Variants in BBS9 observed in about 807,000 individuals in gnomAD.
BBS9 encodes Bardet-Biedl syndrome 9.
BBS9 carries 89 observed loss-of-function variants against 117.7 expected under a neutral mutation model. That is an observed-to-expected ratio of 0.76 (90% confidence interval 0.64 to 0.90). BBS9 has a LOEUF of 0.90. Ranked by LOEUF, BBS9 falls within the 40% of genes least tolerant of loss-of-function variation. BBS9 has a pLI of 0.00. For missense variants in BBS9, 982 were observed against 1,042.2 expected (o/e 0.94, Z 0.80); for synonymous variants, 379 against 370.9 (o/e 1.02, Z -0.25).
At chr7:33,274,875 G>T (rs998996650) in intron 9 of BBS9, among the ~76,000 whole-genome samples, 29 of 151,696 alleles carry the variant, frequency 1.9e-4, no homozygotes, top group African/African-American at 6.8e-4. Context: ...TGTGCATGTA[G>T]TCCCAGCTGC....
intron 1 of BBS9, among the ~76,000 whole-genome samples, chr7:33,143,056 G>A (rs999374885): frequency 9.2e-5 from 14 of 152,058 alleles, no homozygotes; most frequent in African/African-American, 3.4e-4. Context: ...TGCAACCTCT[G>A]CCTCCCAGGT....
intron 21 of BBS9, among the ~76,000 whole-genome samples, chr7:33,551,114 G>C (rs1158942456): frequency 1.3e-5 from 2 of 152,114 alleles, no homozygotes; most frequent in African/African-American, 2.4e-5. Context: ...TTGCTTGTTG[G>C]TTGCTCTAAG....
At chr7:33,267,599 T>C (rs1461819071) in intron 7 of BBS9, among the ~76,000 whole-genome samples, 2 of 152,134 alleles carry the variant, frequency 1.3e-5, no homozygotes, top group Non-Finnish European at 2.9e-5. Context: ...TCAGGTGATA[T>C]ATTACCTTAT....
At chr7:33,630,167 A>G (rs1205412593) in intron 21 of BBS9, among the ~76,000 whole-genome samples, 1 of 152,232 alleles carries the variant, frequency 6.6e-6, no homozygotes, top group Non-Finnish European at 1.5e-5. Flanking sequence ...TGATTAAAAC[A>G]CACAGAAACG....
intron 19 of BBS9, among the ~76,000 whole-genome samples, chr7:33,455,566 A>T (rs1838526589): frequency 6.6e-6 from 1 of 152,138 alleles, no homozygotes; most frequent in South Asian, 2.1e-4. Context: ...CAATCTGACA[A>T]AGTTGGTCTG....
At chr7:33,250,758 A>G (rs774106901) in intron 5 of BBS9, among the ~76,000 whole-genome samples, 1 of 152,216 alleles carries the variant, frequency 6.6e-6, no homozygotes, top group Non-Finnish European at 1.5e-5. Context: ...TGAGGTACAG[A>G]TGAATAAATT....
chr7:33,360,163 A>T (rs991193570), intron 16 of BBS9, among the ~76,000 whole-genome samples: 5 of 152,116 alleles, frequency 3.3e-5, no homozygotes, highest in African/African-American at 1.2e-4. Context: ...CGTTGTTTTT[A>T]GTTTATTAAT....
At chr7:33,163,313 A>T (rs1795157264) in intron 4 of BBS9, among the ~76,000 whole-genome samples, 1 of 152,098 alleles carries the variant, frequency 6.6e-6, no homozygotes, top group Non-Finnish European at 1.5e-5. Flanking sequence ...TGTCTCTGCC[A>T]GCCTTTGGTA....
At chr7:33,232,462 G>A (rs1343454447) in intron 5 of BBS9, among the ~76,000 whole-genome samples, 1 of 152,044 alleles carries the variant, frequency 6.6e-6, no homozygotes, top group Non-Finnish European at 1.5e-5. Context: ...TTTGTAGATT[G>A]TAATTAAATC....
chr7:33,298,286 T>C (rs942639760), intron 9 of BBS9, among the ~76,000 whole-genome samples: 1 of 152,146 alleles, frequency 6.6e-6, no homozygotes, highest in African/African-American at 2.4e-5. Context: ...CTCTGAGACC[T>C]TGGGCAAGCT....
chr7:33,136,943 C>T (rs1198180812), intron 1 of BBS9, among the ~76,000 whole-genome samples: 8 of 152,020 alleles, frequency 5.3e-5, no homozygotes, highest in African/African-American at 1.9e-4. Context: ...TCTGTCTTGG[C>T]CTGGCCTTTT....
Position 33,279,100 on chromosome 7 carries a change from T to A in BBS9, c.1016+5144T>A, listed in dbSNP as rs144393172. 3.4e-3 allele frequency among the ~76,000 whole-genome samples: 515 copies of A among 152,354 alleles called. 5 individuals are homozygous for A. Among genetic ancestry groups the A allele is most frequent in the African/African-American group, 0.012 (488 of 41,584 alleles). Reference sequence around the variant, plus strand: ...TTGCTCAGGCTGGAATGCATTGGCATGATCATAGCTTACTTCAGCCTTGAA... The same window carrying A: ...TTGCTCAGGCTGGAATGCATTGGCAAGATCATAGCTTACTTCAGCCTTGAA... On this transcript the variant is annotated intron_variant, in intron 9 of 22. Transcript: ENST00000242067.
chr7:33,435,233 T>C (rs1440762687), intron 19 of BBS9, among the ~76,000 whole-genome samples: 2 of 152,102 alleles, frequency 1.3e-5, no homozygotes, highest in Non-Finnish European at 2.9e-5. Flanking sequence ...AAAGGAAGCA[T>C]AGGGATTATC....
intron 19 of BBS9, among the ~76,000 whole-genome samples, chr7:33,393,900 A>G (rs1430469958): frequency 1.3e-5 from 2 of 152,174 alleles, no homozygotes; most frequent in Admixed American, 1.3e-4. Context: ...TGCAAAAGCC[A>G]ACCACTTCCC....
chr7:33,391,097 C>G (rs1188503705), intron 19 of BBS9, among the ~76,000 whole-genome samples: 1 of 152,118 alleles, frequency 6.6e-6, no homozygotes, highest in Non-Finnish European at 1.5e-5. Flanking sequence ...TTCGACAACT[C>G]TCCTGGGATC....
intron 9 of BBS9, among the ~76,000 whole-genome samples, chr7:33,326,593 C>T (rs904491483): frequency 6.6e-6 from 1 of 151,888 alleles, no homozygotes; most frequent in Non-Finnish European, 1.5e-5. Context: ...ATGTGCTGAC[C>T]GGAAGCCAGC....
chr7:33,485,150 T>C (rs1172429710), intron 19 of BBS9, among the ~76,000 whole-genome samples: 1 of 151,988 alleles, frequency 6.6e-6, no homozygotes, highest in Non-Finnish European at 1.5e-5. Context: ...GTCGTGGGGA[T>C]AGCGGAGGGA....
At chr7:33,543,584 G>A (rs1852764665) in intron 21 of BBS9, among the ~76,000 whole-genome samples, 2 of 152,252 alleles carry the variant, frequency 1.3e-5, no homozygotes, top group African/African-American at 4.8e-5. Flanking sequence ...AATTTGATAG[G>A]TTTTCCTTTA....
At chr7:33,283,418 C>A (rs868344579) in intron 9 of BBS9, among the ~76,000 whole-genome samples, 1 of 151,872 alleles carries the variant, frequency 6.6e-6, no homozygotes, top group South Asian at 2.1e-4. Flanking sequence ...TATATTTGTT[C>A]TTTCTATTTT....
Sources: allele counts gnomAD v4.1 joint callset (sites outside exome capture counted in the v4.1 genomes callset), GRCh38; gene constraint gnomAD v4.1.1; transcripts MANE v1.5; gene names NCBI Gene and HGNC (gene_info 2026-07-23, HGNC 2026-07-21).